Variants in USP9X observed in about 807,000 individuals in gnomAD.
USP9X encodes the protein ubiquitin specific peptidase 9 X-linked, also known as ubiquitin carboxyl-terminal hydrolase 9X.
USP9X carries 7 observed loss-of-function variants against 190.3 expected under a neutral mutation model. The ratio of observed to expected loss-of-function variants is 0.04; its 90% CI spans 0.02 to 0.07. The LOEUF (loss-of-function observed/expected upper bound fraction) is 0.07, where lower values mean the gene tolerates loss of function less well. USP9X is among the 10% of genes least tolerant of loss of function. USP9X has a pLI of 1.00. For missense variants in USP9X, 1,010 were observed against 1,916.9 expected (o/e 0.53, Z 8.83); for synonymous variants, 645 against 659.5 (o/e 0.98, Z 0.34).
At chrX:41,167,421 T>G in intron 16 of USP9X, 61 bp from the exon 17 acceptor site, 1 of 968,597 alleles carries the variant, frequency 1.0e-6, no homozygotes, top group African/African-American at 1.9e-5. Context: ...TGGTTTGAAT[T>G]TAAATGCCCA....
chrX:41,171,824 ATT>A lies in USP9X; in HGVS notation c.3028-11_3028-10del. On this transcript the variant is annotated splice_polypyrimidine_tract_variant and intron_variant, in intron 20 of 44. Transcript: ENST00000378308. ...TAATTTAGAGGTAATTATTTTGTGT[ATT>A]TTATATTCTAGATAATGTCACTGCA... The A allele has an allele frequency of 8.3e-7, 1 of 1,204,373 alleles. No individual in the cohort carries two copies. Among genetic ancestry groups the A allele is most frequent in the Non-Finnish European group, 1.1e-6 (1 of 891,409 alleles).
At position 41,123,514 on chromosome X, in the gene USP9X, C is replaced by A; in HGVS notation, c.-115C>A. The stretch of plus-strand genomic sequence containing the variant: ...CAAGATGGTTTATTCTTGAATTGGA[C>A]CTTTTTAAGACTGACAAATGCTGGT... On this transcript the variant is annotated 5_prime_UTR_variant, in exon 2 of 45. Transcript: ENST00000378308. 1 of 596,891 alleles carries A rather than the reference C, an allele frequency of 1.7e-6. No individual in the cohort carries two copies. The allele number at this position is 596,891 out of a possible 1,213,427, so 49.2% of individuals were successfully genotyped here. A position where few individuals can be genotyped will look rare whatever the true frequency, so the allele number is the denominator to read the frequency against.
chrX:41,173,716 A>G (rs1457262151), intron 21 of USP9X, among the ~76,000 whole-genome samples: 1 of 112,104 alleles, frequency 8.9e-6, no homozygotes, highest in East Asian at 2.8e-4. Context: ...AGCCCTCCAT[A>G]TACATGGGTT....
At chrX:41,208,322 G>T in intron 32 of USP9X, among the ~76,000 whole-genome samples, 1 of 112,592 alleles carries the variant, frequency 8.9e-6, no homozygotes, top group East Asian at 2.8e-4. Context: ...ACTGCGCCCA[G>T]CTGAGGCTTA....
At chrX:41,220,946 A>C (rs2063257193) in intron 38 of USP9X, among the ~76,000 whole-genome samples, 1 of 104,202 alleles carries the variant, frequency 9.6e-6, no homozygotes, top group South Asian at 4.4e-4. Context: ...TCCGTCTCAA[A>C]AAAAAAAAAA....
intron 3 of USP9X, among the ~76,000 whole-genome samples, chrX:41,130,550 G>C (rs1399197936): frequency 9.7e-6 from 1 of 103,317 alleles, no homozygotes. Context: ...GTGCAGTGGT[G>C]TGATCTCGGC....
In USP9X at chrX:41,184,638, G is replaced by T. The variant is rs770062930; in HGVS notation, c.3521G>T (p.Cys1174Phe). Reference protein sequence around the residue: ...YGHVRAVAEACQPGVEGVNPM... With the variant: ...YGHVRAVAEAFQPGVEGVNPM... ...CATGTTCGAGCTGTGGCAGAAGCTT[G>T]TCAGCCAGGTGTAGAAGGTGTGAAT... Residue 1174 changes from cysteine to phenylalanine, a missense_variant, in exon 23 of 45, where the codon TGT becomes TTT. Physicochemically the swap from Cys to Phe is radical, Grantham distance 205. Around this residue, in one of 11 missense-constraint regions of USP9X, gnomAD observed 351 missense variants for 480.8 expected, o/e 0.73. Transcript: ENST00000378308. 6.6e-6 allele frequency: 8 copies of T among 1,211,689 alleles called. No homozygotes were observed. The South Asian group carries it at 1.2e-4, about 19-fold the overall frequency.
At chrX:41,192,441 GT>G (rs3216444) in intron 26 of USP9X, among the ~76,000 whole-genome samples, 14,806 of 111,216 alleles carry the variant, frequency 0.13, 898 homozygotes, top group East Asian at 0.21. Flanking sequence ...TTTTTCTGCT[GT>G]TTCCACAGCC....
At chrX:41,134,131 A>G (rs1044581168) in intron 4 of USP9X, among the ~76,000 whole-genome samples, 4 of 112,186 alleles carry the variant, frequency 3.6e-5, no homozygotes, top group Admixed American at 9.5e-5. Flanking sequence ...CAAATTTTTA[A>G]AAGTTTAAAT....
At chrX:41,182,666 A>G (rs1602008740) in intron 21 of USP9X, among the ~76,000 whole-genome samples, 2 of 111,118 alleles carry the variant, frequency 1.8e-5, no homozygotes, top group East Asian at 2.8e-4. Flanking sequence ...GAGGGGAGGT[A>G]AAAACCTAAA....
At chrX:41,092,488 T>C (rs2061961780) in intron 1 of USP9X, among the ~76,000 whole-genome samples, 2 of 111,368 alleles carry the variant, frequency 1.8e-5, no homozygotes, top group Non-Finnish European at 3.8e-5. Context: ...TACAAAGTTT[T>C]GGTTGCTCTG....
chrX:41,085,605 C>CCCG lies in USP9X; in HGVS notation c.-651_-649dup, dbSNP rs1410743532. The CCCG allele has an allele frequency of 1.2e-3, 315 of 272,990 alleles. 6 individuals are homozygous for CCCG. In the East Asian group the frequency reaches 0.014, roughly 12 times the overall value. 22.5% of individuals were successfully genotyped at this position (272,990 alleles called of 1,213,427 possible). On this transcript the variant is annotated 5_prime_UTR_variant, in exon 1 of 45. Transcript: ENST00000378308. ...ACACAGCTCCCGGGCCTCGCGGGAG[C>CCCG]CCGCCGCCGCCGCCTCTCTCTCACG...
At chrX:41,116,763 A>G (rs1042288225) in intron 1 of USP9X, among the ~76,000 whole-genome samples, 1 of 104,213 alleles carries the variant, frequency 9.6e-6, no homozygotes, top group Non-Finnish European at 2.0e-5. Flanking sequence ...TATTAAAGCA[A>G]TTCTCATGGC....
intron 44 of USP9X, among the ~76,000 whole-genome samples, chrX:41,231,997 AAT>A: frequency 9.0e-6 from 1 of 111,657 alleles, no homozygotes; most frequent in Middle Eastern, 4.6e-3. Context: ...ATGGTTAGTC[AAT>A]CGGATTTAGC....
chrX:41,101,682 T>TA (rs199764787), intron 1 of USP9X, among the ~76,000 whole-genome samples: 2,666 of 109,931 alleles, frequency 0.024, 31 homozygotes, highest in Non-Finnish European at 0.038. Flanking sequence ...AAAAATAAAT[T>TA]AAAAAAAATA....
At position 41,123,638 on chromosome X, in the gene USP9X, A is replaced by G. The variant is rs775400408; in HGVS notation, c.10A>G (p.Thr4Ala). 1.1e-5 allele frequency: 13 copies of G among 1,209,688 alleles called. No homozygotes were observed. The Admixed American group carries it at 1.3e-4, about 12-fold the overall frequency. The stretch of plus-strand genomic sequence containing the variant: ...CTGCCCTGTGTCGAGTATGACAGCC[A>G]CGACTCGTGGCTCTCCGGTCGGAGG... MTA[T>A]TRGSPVGGND... Residue 4 changes from threonine (T) to alanine (A), a missense_variant, in exon 2 of 45, where the codon ACG becomes GCG. Around this residue, in one of 11 missense-constraint regions of USP9X, gnomAD observed 176 missense variants for 247.5 expected, o/e 0.71. Coordinates refer to ENST00000378308, the MANE Select transcript of USP9X (RefSeq NM_001039591.3).
rs1373264097 is a variant in USP9X at position 41,133,692 on chromosome X, T to G, written c.323-1033T>G. ...TGCAAATGAGTGAGCACATGTGATG[T>G]TTGTCTTTCTGTGCTTGGCTTATTT... On this transcript the variant is annotated intron_variant, in intron 4 of 44. Coordinates refer to ENST00000378308, the MANE Select transcript of USP9X (RefSeq NM_001039591.3). Among the ~76,000 whole-genome samples the G allele has an allele frequency of 5.3e-5, 6 of 112,292 alleles. No individual in the cohort carries two copies. In the East Asian group the frequency reaches 1.7e-3, roughly 31 times the overall value.
chrX:41,167,992 G>A lies in USP9X; in HGVS notation c.2425-15G>A. ...AAGCAATTTTAACTGTGTTTATTTGGCCTGATATTTGTAGGTGGTGATCCA... is the reference window on the plus strand; with the variant it reads ...AAGCAATTTTAACTGTGTTTATTTGACCTGATATTTGTAGGTGGTGATCCA... On this transcript the variant is annotated splice_polypyrimidine_tract_variant and intron_variant, in intron 17 of 44. Coordinates refer to ENST00000378308, the MANE Select transcript of USP9X (RefSeq NM_001039591.3). The A allele has an allele frequency of 8.5e-7, 1 of 1,180,755 alleles. No individual in the cohort carries two copies. The highest frequency in any genetic ancestry group is 1.1e-6 in the Non-Finnish European group (1 of 876,965).
rs186315831 is a variant in USP9X, at chrX:41,094,221, G to T, written c.-159+8112G>T. ...AATGGAGTTTCACTCTTGTTGCCCAGGCTACAGTACAATGGCGTGATCTCG... is the reference window on the plus strand; with the variant it reads ...AATGGAGTTTCACTCTTGTTGCCCATGCTACAGTACAATGGCGTGATCTCG... On this transcript the variant is annotated intron_variant, in intron 1 of 44. Coordinates refer to ENST00000378308, the MANE Select transcript of USP9X (RefSeq NM_001039591.3). 2.3e-3 allele frequency among the ~76,000 whole-genome samples: 238 copies of T among 103,458 alleles called. 1 individual carries two copies. The highest frequency in any genetic ancestry group is 7.7e-3 in the African/African-American group (216 of 28,025). 89.8% of individuals were successfully genotyped at this position (103,458 alleles called of 115,157 possible).
Sources: allele counts gnomAD v4.1 joint callset (sites outside exome capture counted in the v4.1 genomes callset), GRCh38; gene constraint gnomAD v4.1.1; regional missense constraint gnomAD v4.1.1; transcripts MANE v1.5; gene names NCBI Gene and HGNC (gene_info 2026-07-23, HGNC 2026-07-21).